PPFIA2: variants seen among roughly 807,000 people sequenced by gnomAD.
PPFIA2 encodes the protein liprin-alpha-2.
In PPFIA2, 46 loss-of-function variants were observed where a neutral mutation model predicts 175.5. That is an observed-to-expected ratio of 0.26 (90% CI 0.21 to 0.34). PPFIA2 has a LOEUF of 0.34. Ranked by LOEUF, PPFIA2 falls within the 10% of genes least tolerant of loss-of-function variation. The pLI is 1.00. For missense variants in PPFIA2, 1,179 were observed against 1,506.1 expected (o/e 0.78, Z 3.60); for synonymous variants, 568 against 511.4 (o/e 1.11, Z -1.49).
intron 22 of PPFIA2, 46 bp from the exon 23 acceptor site, chr12:81,299,428 T>A: frequency 6.6e-7 from 1 of 1,525,642 alleles, no homozygotes; most frequent in Non-Finnish European, 8.8e-7. Flanking sequence ...TGGAAAAATA[T>A]GGCTGTGATT....
At chr12:81,687,828 TATTA>T (rs1402068464) in intron 3 of PPFIA2, among the ~76,000 whole-genome samples, 6 of 151,874 alleles carry the variant, frequency 4.0e-5, no homozygotes, top group East Asian at 1.9e-4. Context: ...CAGTAAACAA[TATTA>T]ATTATTATTA....
chr12:81,336,802 A>G (rs554811741), intron 21 of PPFIA2, among the ~76,000 whole-genome samples: 7 of 152,070 alleles, frequency 4.6e-5, no homozygotes, highest in African/African-American at 1.7e-4. Context: ...ATACTATTCT[A>G]TTTTCTAGTT....
chr12:81,607,862 G>T (rs2060488688), intron 4 of PPFIA2, among the ~76,000 whole-genome samples: 1 of 152,018 alleles, frequency 6.6e-6, no homozygotes, highest in African/African-American at 2.4e-5. Context: ...GGACATCTTT[G>T]TCTGGTTCCA....
intron 4 of PPFIA2, among the ~76,000 whole-genome samples, chr12:81,661,549 C>T (rs895543736): frequency 6.6e-6 from 1 of 152,156 alleles, no homozygotes; most frequent in Non-Finnish European, 1.5e-5. Flanking sequence ...ATTCATAAAG[C>T]AAGTCCTTAG....
chr12:81,522,439 G>A (rs1024220450), intron 4 of PPFIA2, among the ~76,000 whole-genome samples: 4 of 151,970 alleles, frequency 2.6e-5, no homozygotes, highest in East Asian at 3.9e-4. Flanking sequence ...GAAAAAAAAA[G>A]TTCTAAAAGG....
chr12:81,607,116 T>C (rs2060404259), intron 4 of PPFIA2, among the ~76,000 whole-genome samples: 1 of 152,088 alleles, frequency 6.6e-6, no homozygotes, highest in Non-Finnish European at 1.5e-5. Context: ...GAAGATCTGA[T>C]GGTTGTAGGT....
intron 4 of PPFIA2, among the ~76,000 whole-genome samples, chr12:81,640,315 A>G (rs1462849936): frequency 6.6e-6 from 1 of 152,138 alleles, no homozygotes; most frequent in African/African-American, 2.4e-5. Flanking sequence ...CTGTAGAGGA[A>G]TAAGATTCTA....
intron 32 of PPFIA2, 29 bp downstream of exon 32, chr12:81,261,920 T>G (rs2035701880): frequency 6.8e-7 from 1 of 1,462,164 alleles, no homozygotes; most frequent in Admixed American, 2.2e-5. Flanking sequence ...TGTCTTTTTT[T>G]TTTTGTCAGC....
At chr12:81,555,374 A>C (rs2068666075) in intron 4 of PPFIA2, among the ~76,000 whole-genome samples, 1 of 151,988 alleles carries the variant, frequency 6.6e-6, no homozygotes, top group Non-Finnish European at 1.5e-5. Context: ...ATAAGATATA[A>C]TAATGTGTAT....
chr12:81,632,340 A>G (rs544937109), intron 4 of PPFIA2, among the ~76,000 whole-genome samples: 5 of 152,184 alleles, frequency 3.3e-5, no homozygotes, highest in African/African-American at 1.2e-4. Flanking sequence ...AAATTATTCA[A>G]TTTCCCTTAA....
At chr12:81,527,592 A>C (rs1347328887) in intron 4 of PPFIA2, among the ~76,000 whole-genome samples, 2 of 152,012 alleles carry the variant, frequency 1.3e-5, no homozygotes, top group African/African-American at 4.8e-5. Flanking sequence ...GCCTTTCCTC[A>C]TACCTTCGGT....
chr12:81,548,269 A>G (rs1231386865), intron 4 of PPFIA2, among the ~76,000 whole-genome samples: 1 of 152,170 alleles, frequency 6.6e-6, no homozygotes, highest in Non-Finnish European at 1.5e-5. Context: ...TGGAATTTAC[A>G]CAGGGAAATA....
chr12:81,428,467 G>A (rs1219145991), intron 7 of PPFIA2, among the ~76,000 whole-genome samples: 4 of 151,866 alleles, frequency 2.6e-5, no homozygotes, highest in Non-Finnish European at 4.4e-5. Context: ...AAAACACCTT[G>A]ATTTTTTTTG....
At chr12:81,676,963 T>C (rs1160157667) in intron 3 of PPFIA2, 119 bp from the exon 4 acceptor site, 4 of 634,156 alleles carry the variant, frequency 6.3e-6, no homozygotes, top group Non-Finnish European at 1.0e-5. Flanking sequence ...TATTTTATTA[T>C]TTTTTTGCAA....
intron 4 of PPFIA2, among the ~76,000 whole-genome samples, chr12:81,608,876 CAA>C (rs2060602554): frequency 6.6e-6 from 1 of 151,850 alleles, no homozygotes. Context: ...CCTTTCAGTG[CAA>C]AGTTAGAGTG....
chr12:81,668,355 T>C (rs2070759018), intron 4 of PPFIA2, among the ~76,000 whole-genome samples: 1 of 152,000 alleles, frequency 6.6e-6, no homozygotes, highest in Admixed American at 6.6e-5. Context: ...ACTGGCCTAA[T>C]TTAGGTTAGC....
Position 81,404,220 on chromosome 12 carries a change from A to G in PPFIA2, c.762+1567T>C, listed in dbSNP as rs193301906. On this transcript the variant is annotated intron_variant, in intron 8 of 32. Coordinates refer to ENST00000549396, the MANE Select transcript of PPFIA2 (RefSeq NM_003625.5). ...CTGTTAGGGGATAAAAAAAATCTGA[A>G]GTTGTTCATGTCTGAGAAAGGTATA... Among the ~76,000 whole-genome samples the G allele has an allele frequency of 3.9e-5, 6 of 152,280 alleles. No individual in the cohort carries two copies. The East Asian group carries it at 1.2e-3, about 29-fold the overall frequency.
chr12:81,541,612 T>A (rs1257869688), intron 4 of PPFIA2, among the ~76,000 whole-genome samples: 1 of 152,158 alleles, frequency 6.6e-6, no homozygotes, highest in African/African-American at 2.4e-5. Context: ...AAATTGTTAC[T>A]GCTCAACAAA....
intron 11 of PPFIA2, among the ~76,000 whole-genome samples, chr12:81,372,513 G>GAAAAAAAAAAAAAAAAAAGAAAAAAAA (rs3075257): frequency 1.1e-5 from 1 of 93,632 alleles, no homozygotes; most frequent in African/African-American, 3.3e-5. Context: ...AATTGAAACA[G>GAAAAAAAAAAAAAAAAAAGAAAAAAAA]AAAAAAAAAA....
Sources: gnomAD v4.1 joint callset for allele counts (sites outside exome capture counted in the v4.1 genomes callset) on GRCh38, gnomAD v4.1.1 for gene constraint, MANE v1.5 for transcripts, NCBI Gene and HGNC (gene_info 2026-07-23, HGNC 2026-07-21) for gene names.